Variants in URGCP observed in about 807,000 individuals in gnomAD.
URGCP encodes the protein up-regulator of cell proliferation.
URGCP carries 13 observed loss-of-function variants against 24.6 expected under a neutral mutation model. The ratio of observed to expected loss-of-function variants is 0.53; its 90% CI spans 0.34 to 0.84. The LOEUF is 0.84. Among genes scored for constraint, URGCP ranks in the 40% least tolerant of loss-of-function variants. The probability of loss-of-function intolerance (pLI) is 0.01; values close to 1 mark genes in which losing one functional copy is unlikely to be tolerated. For missense variants in URGCP, 899 were observed against 1,194.3 expected, an observed-to-expected ratio of 0.75 and a Z score of 3.64; for synonymous variants, 444 against 487.2, an observed-to-expected ratio of 0.91 and a Z score of 1.17.
intron 4 of URGCP, 85 bp from the exon 5 acceptor site, chr7:43,881,782 C>A: frequency 6.2e-7 from 1 of 1,609,666 alleles, no homozygotes; most frequent in Non-Finnish European, 8.5e-7. Context: ...AAACCTAGAA[C>A]CCTTCTTTCT....
chr7:43,877,867 C>T lies in URGCP; in HGVS notation c.1596G>A (p.Leu532=), dbSNP rs1157957406. 1.2e-6 allele frequency: 2 copies of T among 1,612,144 alleles called. No individual in the cohort carries two copies. Among genetic ancestry groups the T allele is most frequent in the South Asian group, 1.1e-5 (1 of 90,972 alleles). ...EKHRAELRRR[L]LELRMQQNGH... is the part of the protein sequence containing the mutation. The stretch of plus-strand genomic sequence containing the variant: ...CGTTCTGCTGCATTCGAAGTTCTAG[C>T]AGCCGCCGCCTCAGCTCAGCCCTGT... Residue 532 remains leucine, a synonymous_variant, in exon 6 of 6, where the codon CTG becomes CTA. Coordinates refer to ENST00000453200, the MANE Select transcript of URGCP (RefSeq NM_001077663.3).
intron 4 of URGCP, 65 bp downstream of exon 4, chr7:43,881,842 A>G: frequency 2.5e-6 from 4 of 1,605,938 alleles, no homozygotes; most frequent in Non-Finnish European, 3.4e-6. Flanking sequence ...AATCCCGGTT[A>G]TCTGTCACTT....
intron 1 of URGCP, chr7:43,919,506 A>G (rs2095919696): frequency 5.6e-6 from 7 of 1,243,660 alleles, no homozygotes; most frequent in Admixed American, 1.7e-5. Context: ...CCACTTTCTC[A>G]TGACTGGCTA....
Position 43,925,798 on chromosome 7 carries a change from C to CTTTTTTTTTTTTTT in URGCP, c.-116+320_-116+333dup, listed in dbSNP as rs60736722. 7.7e-5 allele frequency among the ~76,000 whole-genome samples: 9 copies of CTTTTTTTTTTTTTT among 116,576 alleles called. No homozygotes were observed. In the South Asian group the frequency reaches 1.4e-3, roughly 18 times the overall value. The allele number at this position is 116,576 out of a possible 152,430, so 76.5% of individuals were successfully genotyped here. A position where few individuals can be genotyped will look rare whatever the true frequency, so the allele number is the denominator to read the frequency against. On this transcript the variant is annotated intron_variant, in intron 1 of 5. Coordinates refer to the URGCP transcript ENST00000426198. ...TATAGGCGTGAGCCACCTCGTCTGG[C>CTTTTTTTTTTTTTT]TTTTTTTTTTTTTTTTTCAAAAAAA...
rs557967617 is a variant in URGCP, at chr7:43,876,681, C to A, written c.2782G>T (p.Val928Leu). The A allele has an allele frequency of 7.8e-5, 126 of 1,614,036 alleles. 2 individuals are homozygous for A. In the South Asian group the frequency reaches 1.4e-3, roughly 17 times the overall value. The change falls in exon 6 of 6, where the codon GTG becomes TTG. Residue 928 changes from valine (V) to leucine (L), a missense_variant. By Grantham distance (32) the Val-to-Leu change is conservative (BLOSUM62 1). Coordinates refer to ENST00000453200, the MANE Select transcript of URGCP (RefSeq NM_001077663.3). ...NKNIQQLIEL[V>L]RRL ...TCTCTGCACACTCACAGCCGTCTCACCAGCTCAATGAGCTGCTGGATGTTT... is the reference window on the plus strand; with the variant it reads ...TCTCTGCACACTCACAGCCGTCTCAACAGCTCAATGAGCTGCTGGATGTTT...
intron 1 of URGCP, among the ~76,000 whole-genome samples, chr7:43,905,135 A>G (rs968142140): frequency 1.3e-5 from 2 of 152,162 alleles, no homozygotes; most frequent in Non-Finnish European, 2.9e-5. Context: ...CCAGTGAAGC[A>G]TTAAGTCCAC....
chr7:43,913,600 G>A (rs1307549325), intron 1 of URGCP, among the ~76,000 whole-genome samples: 1 of 152,138 alleles, frequency 6.6e-6, no homozygotes, highest in African/African-American at 2.4e-5. Context: ...GAAATCTGCT[G>A]ATAATCTTAT....
At chr7:43,887,727 T>G in intron 2 of URGCP, 63 bp downstream of exon 2, 1 of 1,533,284 alleles carries the variant, frequency 6.5e-7, no homozygotes, top group Non-Finnish European at 8.8e-7. Flanking sequence ...AAACCAGCAC[T>G]CTCCAAAACT....
chr7:43,926,504 G>T (rs758158394), upstream of URGCP: 11 of 1,510,362 alleles, frequency 7.3e-6, no homozygotes, highest in Non-Finnish European at 5.3e-6. Flanking sequence ...CCCCGGCCGG[G>T]CCGCCCGGGT....
At chr7:43,898,587 T>G (rs1302106260) in intron 1 of URGCP, among the ~76,000 whole-genome samples, 2 of 151,706 alleles carry the variant, frequency 1.3e-5, no homozygotes, top group Non-Finnish European at 2.9e-5. Context: ...AGCAACACAG[T>G]GAAACCCCAC....
rs1055381278 is a variant in URGCP at position 43,879,137 on chromosome 7, T to C, written c.326A>G (p.Gln109Arg). Residue 109 changes from glutamine (Q) to arginine (R), a missense_variant, in exon 6 of 6, where the codon CAG becomes CGG. Transcript: ENST00000453200. ...ATTCCAGGGCAAGTCTTTGGGAACC[T>C]GAGGGGCCCAGTTCTTCATACTGTC... ...SFDSMKNWAP[Q>R]VPKDLPWNFL... 4 of 1,614,080 alleles carry C rather than the reference T, an allele frequency of 2.5e-6. No individual in the cohort carries two copies. Among genetic ancestry groups the C allele is most frequent in the Middle Eastern group, 1.6e-4 (1 of 6,082 alleles).
intron 3 of URGCP, among the ~76,000 whole-genome samples, chr7:43,886,317 T>C (rs2095862028): frequency 1.3e-5 from 2 of 152,222 alleles, no homozygotes; most frequent in Admixed American, 1.3e-4. Flanking sequence ...CCAAAACTTA[T>C]TTGCATATTT....
At chr7:43,901,656 G>A (rs1377043757) in intron 1 of URGCP, among the ~76,000 whole-genome samples, 3 of 152,122 alleles carry the variant, frequency 2.0e-5, no homozygotes, top group Non-Finnish European at 4.4e-5. Context: ...TGGTTTACGG[G>A]GCCCCCTTTC....
intron 5 of URGCP, among the ~76,000 whole-genome samples, chr7:43,880,833 TGATGCTTA>T (rs1384010854): frequency 2.0e-5 from 3 of 152,234 alleles, no homozygotes; most frequent in African/African-American, 7.2e-5. Context: ...GATACTGCTT[TGATGCTTA>T]GATAAACCAT....
chr7:43,914,604 T>C (rs1196707568), intron 1 of URGCP, among the ~76,000 whole-genome samples: 1 of 152,188 alleles, frequency 6.6e-6, no homozygotes, highest in East Asian at 1.9e-4. Context: ...CAACTCCATC[T>C]TGAATAGAGG....
intron 1 of URGCP, among the ~76,000 whole-genome samples, chr7:43,916,188 T>G (rs1361285227): frequency 6.6e-6 from 1 of 152,184 alleles, no homozygotes; most frequent in Non-Finnish European, 1.5e-5. Flanking sequence ...CAAAAGTAGT[T>G]GCAGTTTTTG....
chr7:43,876,960 T>C lies in URGCP; in HGVS notation c.2503A>G (p.Lys835Glu), dbSNP rs1289249439. ...VSVPGPRPRD[K>E]RQLLDPPGDL... ...CCAGGTGGATCCAGGAGCTGTCTCT[T>C]GTCTCTGGGCCTAGGGCCGGGAACA... The change falls in exon 6 of 6, where the codon AAG becomes GAG. Residue 835 changes from lysine (K) to glutamate (E), a missense_variant. By Grantham distance (56) the Lys-to-Glu change is moderately conservative. Transcript: ENST00000453200. 1 of 1,614,080 alleles carries C rather than the reference T, an allele frequency of 6.2e-7. No homozygotes were observed. The highest frequency in any genetic ancestry group is 1.3e-5 in the African/African-American group (1 of 74,946).
At chr7:43,882,546 T>A (rs891186045) in intron 3 of URGCP, among the ~76,000 whole-genome samples, 17 of 151,856 alleles carry the variant, frequency 1.1e-4, no homozygotes, top group Admixed American at 9.2e-4. Context: ...AGGTCAAGGC[T>A]GCAGTGAGCT....
chr7:43,917,957 TC>T (rs1439155472), intron 1 of URGCP, among the ~76,000 whole-genome samples: 8 of 151,172 alleles, frequency 5.3e-5, no homozygotes, highest in South Asian at 2.1e-4. Context: ...AGCAAGACCG[TC>T]TCAAAAAACA....
Sources: allele counts gnomAD v4.1 joint callset (sites outside exome capture counted in the v4.1 genomes callset), GRCh38; gene constraint gnomAD v4.1.1; transcripts MANE v1.5; gene names NCBI Gene and HGNC (gene_info 2026-07-23, HGNC 2026-07-21).